Variants in DPYS observed in about 807,000 individuals in gnomAD.
The protein encoded by DPYS is dihydropyrimidine amidohydrolase.
In DPYS, 39 loss-of-function variants were observed where a neutral mutation model predicts 50.3. The ratio of observed to expected loss-of-function variants is 0.78; its 90% CI spans 0.60 to 1.01. The LOEUF (loss-of-function observed/expected upper bound fraction) is 1.01. DPYS is among the 50% of genes least tolerant of loss of function. The pLI, the probability that DPYS is intolerant of heterozygous loss-of-function variation, is 0.00. For synonymous variants in DPYS, 245 were observed against 250.7 expected (o/e 0.98, Z 0.22); for missense variants, 659 against 680.9 (o/e 0.97, Z 0.36).
intron 7 of DPYS, among the ~76,000 whole-genome samples, chr8:104,422,346 G>GA (rs1190698220): frequency 2.6e-5 from 4 of 152,170 alleles, no homozygotes; most frequent in Non-Finnish European, 5.9e-5. Flanking sequence ...CATGGAATAT[G>GA]AAAAATCAAG....
intron 7 of DPYS, among the ~76,000 whole-genome samples, chr8:104,399,150 G>C (rs1735443738): frequency 6.6e-6 from 1 of 151,872 alleles, no homozygotes; most frequent in Non-Finnish European, 1.5e-5. Context: ...AGTTAGCAGG[G>C]CATGGTGGTA....
intron 2 of DPYS, among the ~76,000 whole-genome samples, chr8:104,449,785 G>A (rs1813668202): frequency 6.6e-6 from 1 of 152,184 alleles, no homozygotes; most frequent in South Asian, 2.1e-4. Context: ...CAGAAGTTAG[G>A]AGAGAGGAAA....
At chr8:104,404,709 T>C (rs944138830) in intron 7 of DPYS, among the ~76,000 whole-genome samples, 8 of 152,274 alleles carry the variant, frequency 5.3e-5, no homozygotes, top group African/African-American at 1.9e-4. Flanking sequence ...TGGCAAACCA[T>C]GGCCCGCAGG....
intron 7 of DPYS, among the ~76,000 whole-genome samples, chr8:104,405,172 C>T (rs1159898433): frequency 6.6e-6 from 1 of 152,186 alleles, no homozygotes; most frequent in African/African-American, 2.4e-5. Flanking sequence ...ATCCATGAAG[C>T]ATCTCTGTAT....
At chr8:104,432,175 C>T (rs1472237076) in intron 4 of DPYS, among the ~76,000 whole-genome samples, 2 of 152,206 alleles carry the variant, frequency 1.3e-5, no homozygotes, top group Non-Finnish European at 2.9e-5. Context: ...TCGTCTCTAC[C>T]CATAGATGTT....
chr8:104,453,062 A>C (rs1813808337), intron 1 of DPYS, among the ~76,000 whole-genome samples: 1 of 152,080 alleles, frequency 6.6e-6, no homozygotes, highest in Non-Finnish European at 1.5e-5. Flanking sequence ...CAGCTTCCAG[A>C]TACACCGGAT....
At chr8:104,466,625 A>G (rs1814409692) in intron 1 of DPYS, 32 bp downstream of exon 1, 1 of 1,498,382 alleles carries the variant, frequency 6.7e-7, no homozygotes, top group Non-Finnish European at 8.9e-7. Flanking sequence ...CTCCGTGGGT[A>G]CCGCGGGGCG....
intron 5 of DPYS, 78 bp downstream of exon 5, chr8:104,429,467 C>T (rs898541952): frequency 6.3e-7 from 1 of 1,588,242 alleles, no homozygotes; most frequent in African/African-American, 1.3e-5. Flanking sequence ...AGTGGAGGAT[C>T]CAGATGGGAG....
At chr8:104,401,158 T>G (rs1811791060) in intron 7 of DPYS, among the ~76,000 whole-genome samples, 1 of 152,202 alleles carries the variant, frequency 6.6e-6, no homozygotes, top group Non-Finnish European at 1.5e-5. Flanking sequence ...ACAAAAAAAG[T>G]TAATAGAATC....
At chr8:104,435,798 C>T (rs1397781913) in intron 4 of DPYS, among the ~76,000 whole-genome samples, 1 of 152,010 alleles carries the variant, frequency 6.6e-6, no homozygotes, top group East Asian at 1.9e-4. Context: ...TGAAGACAGA[C>T]AAAAGGGAAA....
chr8:104,448,029 G>A (rs1048296254), intron 2 of DPYS, among the ~76,000 whole-genome samples: 3 of 152,220 alleles, frequency 2.0e-5, no homozygotes, highest in Non-Finnish European at 2.9e-5. Context: ...GGTGGCATGG[G>A]ACCCATTGGC....
chr8:104,381,239 CTTTT>C lies in DPYS; in HGVS notation c.1515_1518del (p.Glu507MetfsTer57), dbSNP rs538231044. 320 of 1,614,146 alleles carry C rather than the reference CTTTT, an allele frequency of 2.0e-4. 1 individual carries two copies. In the African/African-American group the frequency reaches 3.7e-3, roughly 19 times the overall value. On this transcript the variant is annotated frameshift_variant, in exon 9 of 10. Transcript: ENST00000351513. LOFTEE classifies it high-confidence loss of function. ...TTCCTGGTCCCTGCTGTGGCATCTT[CTTTT>C]GTCACTCTGGATTTCAGTGTGGCGA...
intron 2 of DPYS, among the ~76,000 whole-genome samples, chr8:104,449,846 C>G (rs1245562822): frequency 6.6e-6 from 1 of 152,200 alleles, no homozygotes; most frequent in Non-Finnish European, 1.5e-5. Flanking sequence ...CTGCTGACAC[C>G]TAAATCTCAG....
chr8:104,431,272 T>G (rs1476999209), intron 4 of DPYS, among the ~76,000 whole-genome samples: 4 of 152,068 alleles, frequency 2.6e-5, no homozygotes, highest in Non-Finnish European at 5.9e-5. Flanking sequence ...CAGGAAAAAT[T>G]AAAAGTGTCA....
At position 104,444,326 on chromosome 8, in the gene DPYS, C is replaced by T. The variant is rs755588849; in HGVS notation, c.715G>A (p.Ala239Thr). The T allele has an allele frequency of 2.2e-5, 36 of 1,614,242 alleles. No individual in the cohort carries two copies. Among genetic ancestry groups the T allele is most frequent in the South Asian group, 9.9e-5 (9 of 91,092 alleles). Residue 239 changes from alanine (A) to threonine (T), a missense_variant, in exon 4 of 10, where the codon GCT (alanine) becomes ACT (threonine). Ala to Thr is a moderately conservative substitution (Grantham distance 58). Coordinates refer to ENST00000351513, the MANE Select transcript of DPYS (RefSeq NM_001385.3). ...ACAATGTAGAGAGGACAGTTCACAG[C>T]GCTGGCTATGGTGATGGCTCTCAGC... ...ATLRAITIAS[A>T]VNCPLYIVHV...
At chr8:104,396,920 AT>A (rs1315294623) in intron 7 of DPYS, among the ~76,000 whole-genome samples, 2 of 152,146 alleles carry the variant, frequency 1.3e-5, no homozygotes, top group Non-Finnish European at 2.9e-5. Flanking sequence ...GATTCTTTAT[AT>A]TAAGTCATTA....
chr8:104,391,790 T>C (rs979010742), intron 8 of DPYS, among the ~76,000 whole-genome samples: 9 of 152,278 alleles, frequency 5.9e-5, no homozygotes, highest in Admixed American at 6.5e-5. Context: ...TTAAATTTTT[T>C]GTAGAGATGG....
intron 5 of DPYS, chr8:104,429,076 C>T (rs1314094621): frequency 1.1e-5 from 2 of 176,458 alleles, no homozygotes; most frequent in Non-Finnish European, 2.4e-5. Flanking sequence ...TGTGATCCGC[C>T]CACCTCAGCC....
At chr8:104,401,239 T>G (rs74415349) in intron 7 of DPYS, among the ~76,000 whole-genome samples, 1 of 151,782 alleles carries the variant, frequency 6.6e-6, no homozygotes, top group Non-Finnish European at 1.5e-5. Flanking sequence ...TGATGCCTTA[T>G]GTATTCAGTG....
Sources: allele counts gnomAD v4.1 joint callset (sites outside exome capture counted in the v4.1 genomes callset), GRCh38; gene constraint gnomAD v4.1.1; transcripts MANE v1.5; gene names NCBI Gene and HGNC (gene_info 2026-07-23, HGNC 2026-07-21).